TRIM5: variants seen among roughly 807,000 people sequenced by gnomAD.
TRIM5 encodes tripartite motif containing 5.
TRIM5 carries 31 observed loss-of-function variants against 35.6 expected under a neutral mutation model. The ratio of observed to expected loss-of-function variants is 0.87; its 90% CI spans 0.65 to 1.18. The LOEUF is 1.18. Among genes scored for constraint, TRIM5 ranks in the 50% most tolerant of loss-of-function variants. The probability of loss-of-function intolerance (pLI) is 0.00; values close to 1 mark genes in which losing one functional copy is unlikely to be tolerated. For missense variants in TRIM5, 609 were observed against 591.6 expected (o/e 1.03, Z -0.31); for synonymous variants, 243 against 215.6 (o/e 1.13, Z -1.11).
chr11:5,603,986 G>A, the TRIM5 span, among the ~76,000 whole-genome samples: 1 of 151,958 alleles, frequency 6.6e-6, no homozygotes, highest in Non-Finnish European at 1.5e-5. Flanking sequence ...GGTAGGTAAA[G>A]GAATTTATTT....
chr11:5,597,287 A>C, the TRIM5 span, among the ~76,000 whole-genome samples: 1 of 152,200 alleles, frequency 6.6e-6, no homozygotes, highest in Non-Finnish European at 1.5e-5. Flanking sequence ...AGACAGATTT[A>C]AACACGTAGG....
chr11:5,621,009 C>T, the TRIM5 span, among the ~76,000 whole-genome samples: 7 of 152,132 alleles, frequency 4.6e-5, no homozygotes, highest in Admixed American at 4.6e-4. Flanking sequence ...ATCTTGGTGA[C>T]CTTTGGTGGG....
the TRIM5 span, chr11:5,611,549 G>C: frequency 2.0e-6 from 1 of 505,348 alleles, no homozygotes; most frequent in Non-Finnish European, 3.5e-6. Flanking sequence ...TGCCTCCTGG[G>C]TTCAAGCGAA....
At chr11:5,657,542 TTATA>T in the TRIM5 span, among the ~76,000 whole-genome samples, 709 of 125,036 alleles carry the variant, frequency 5.7e-3, 7 homozygotes, top group Non-Finnish European at 8.2e-3. Flanking sequence ...TATTTATATA[TTATA>T]TATAATGCAT....
the TRIM5 span, chr11:5,610,457 C>G: frequency 6.2e-7 from 1 of 1,610,226 alleles, no homozygotes; most frequent in South Asian, 1.1e-5. Flanking sequence ...CCATTCCCCT[C>G]AATGTAGTAA....
chr11:5,630,489 G>C, the TRIM5 span, among the ~76,000 whole-genome samples: 1 of 152,328 alleles, frequency 6.6e-6, no homozygotes, highest in South Asian at 2.1e-4. Context: ...CTAGGCTCAT[G>C]TGAGGCCAAG....
chr11:5,616,095 C>T, the TRIM5 span, among the ~76,000 whole-genome samples: 23,197 of 149,248 alleles, frequency 0.16, 1,861 homozygotes, highest in East Asian at 0.29. Context: ...GGACTACAGG[C>T]GCCCACCACC....
chr11:5,636,889 G>C, the TRIM5 span, among the ~76,000 whole-genome samples: 1 of 152,222 alleles, frequency 6.6e-6, no homozygotes, highest in East Asian at 1.9e-4. Flanking sequence ...GCTCACGCCT[G>C]TAATCCCAGC....
chr11:5,680,421 T>C (rs1852346409), intron 1 of TRIM5, among the ~76,000 whole-genome samples, 183 bp from the exon 2 acceptor site: 1 of 152,232 alleles, frequency 6.6e-6, no homozygotes, highest in Non-Finnish European at 1.5e-5. Flanking sequence ...TTAAATACTT[T>C]ACTGCCAGTT....
At chr11:5,667,283 T>C (rs1172952547) in intron 5 of TRIM5, among the ~76,000 whole-genome samples, 1 of 152,206 alleles carries the variant, frequency 6.6e-6, no homozygotes, top group Non-Finnish European at 1.5e-5. Context: ...CTTGGCTCAC[T>C]GCAACCTCTG....
downstream of TRIM5, among the ~76,000 whole-genome samples, chr11:5,661,246 G>A (rs1321556956): frequency 1.3e-5 from 2 of 151,820 alleles, no homozygotes; most frequent in African/African-American, 4.8e-5. Flanking sequence ...AAACCAAAGA[G>A]ATCTCTTTTC....
chr11:5,602,092 G>A, the TRIM5 span, among the ~76,000 whole-genome samples: 1 of 152,168 alleles, frequency 6.6e-6, no homozygotes, highest in Non-Finnish European at 1.5e-5. Context: ...ATCTCATGGA[G>A]CTTACATTTC....
chr11:5,636,688 G>A, the TRIM5 span, among the ~76,000 whole-genome samples: 1 of 152,090 alleles, frequency 6.6e-6, no homozygotes, highest in Non-Finnish European at 1.5e-5. Flanking sequence ...TTGCTATTTG[G>A]TCACTTGGAA....
At chr11:5,674,618 T>C (rs1851809344) in intron 4 of TRIM5, among the ~76,000 whole-genome samples, 1 of 152,214 alleles carries the variant, frequency 6.6e-6, no homozygotes, top group Admixed American at 6.5e-5. Context: ...CTCCAGGCCG[T>C]ATCTCACAGC....
At chr11:5,676,294 C>T (rs1176708346) in intron 4 of TRIM5, among the ~76,000 whole-genome samples, 1 of 152,128 alleles carries the variant, frequency 6.6e-6, no homozygotes, top group Non-Finnish European at 1.5e-5. Context: ...AAATCACAAG[C>T]ATTCTTATAC....
the TRIM5 span, among the ~76,000 whole-genome samples, chr11:5,652,742 T>C: frequency 6.6e-6 from 1 of 152,336 alleles, no homozygotes; most frequent in South Asian, 2.1e-4. Context: ...ACTGAATTTG[T>C]AAAGTGCTTT....
the TRIM5 span, chr11:5,643,699 C>T: frequency 6.3e-7 from 1 of 1,580,648 alleles, no homozygotes; most frequent in East Asian, 2.2e-5. Context: ...CTATGCCCAC[C>T]AAGCTCTTGA....
At chr11:5,621,426 T>C in the TRIM5 span, among the ~76,000 whole-genome samples, 281 of 152,360 alleles carry the variant, frequency 1.8e-3, no homozygotes, top group African/African-American at 6.2e-3. Context: ...CCTGTTTACA[T>C]AGAGCTCTAA....
intron 4 of TRIM5, among the ~76,000 whole-genome samples, chr11:5,673,025 G>A (rs993741085): frequency 6.6e-6 from 1 of 152,052 alleles, no homozygotes; most frequent in East Asian, 1.9e-4. Flanking sequence ...CATCAAAAAA[G>A]ACAGGAGAAA....
Sources: gnomAD v4.1 joint callset for allele counts (sites outside exome capture counted in the v4.1 genomes callset) on GRCh38, gnomAD v4.1.1 for gene constraint, MANE v1.5 for transcripts, NCBI Gene and HGNC (gene_info 2026-07-23, HGNC 2026-07-21) for gene names.